Variants in PAX5 observed in about 807,000 individuals in gnomAD.
PAX5 encodes the protein paired box 5, also known as paired box protein Pax-5.
PAX5 carries 9 observed loss-of-function variants against 43.7 expected under a neutral mutation model. That is an observed-to-expected ratio of 0.21 (90% CI 0.12 to 0.36). The LOEUF is 0.36. Among genes scored for constraint, PAX5 ranks in the 10% least tolerant of loss-of-function variants. The pLI, the probability that PAX5 is intolerant of heterozygous loss-of-function variation, is 1.00. For missense variants in PAX5, 383 were observed against 532.7 expected, an observed-to-expected ratio of 0.72 and a Z score of 2.77; for synonymous variants, 228 against 214.3, an observed-to-expected ratio of 1.06 and a Z score of -0.56.
At chr9:36,906,706 C>T (rs930888943) in intron 7 of PAX5, among the ~76,000 whole-genome samples, 1 of 152,216 alleles carries the variant, frequency 6.6e-6, no homozygotes, top group African/African-American at 2.4e-5. Context: ...AGCTCTCCCA[C>T]CAGCCCCTCT....
rs1467459969 is a variant in PAX5, at chr9:36,833,792, C to T, written c.*6768G>A. 8.6e-6 allele frequency: 2 copies of T among 231,682 alleles called. No homozygotes were observed. Among genetic ancestry groups the T allele is most frequent in the Non-Finnish European group, 8.5e-6 (1 of 117,704 alleles). The allele number at this position is 231,682 out of a possible 1,614,324, so 14.4% of individuals were successfully genotyped here. A position where few individuals can be genotyped will look rare whatever the true frequency, so the allele number is the denominator to read the frequency against. On this transcript the variant is annotated 3_prime_UTR_variant, in exon 10 of 10. Coordinates refer to ENST00000358127, the MANE Select transcript of PAX5 (RefSeq NM_016734.3). ...TAAGAAGCATTTTTTTTTTTCAATC[C>T]GTTGGAGACAGATCATCTCCCACTT... is the stretch of plus-strand genomic sequence containing the variant.
At chr9:37,005,800 G>A (rs1338249672) in intron 4 of PAX5, among the ~76,000 whole-genome samples, 1 of 152,176 alleles carries the variant, frequency 6.6e-6, no homozygotes, top group Non-Finnish European at 1.5e-5. Context: ...ATCCCAAGTG[G>A]AGAAATAATA....
intron 1 of PAX5, chr9:37,026,466 C>A (rs1840386054): frequency 1.6e-6 from 2 of 1,261,940 alleles, no homozygotes; most frequent in African/African-American, 1.5e-5. Context: ...GTACCTGACC[C>A]ACGGTCCGGC....
intron 7 of PAX5, among the ~76,000 whole-genome samples, chr9:36,889,946 G>GC (rs1015819304): frequency 2.1e-5 from 3 of 144,326 alleles, no homozygotes; most frequent in African/African-American, 7.6e-5. Flanking sequence ...ACTAACGGGG[G>GC]GGGGGGGAAT....
intron 6 of PAX5, among the ~76,000 whole-genome samples, chr9:36,947,164 C>T (rs1488254754): frequency 1.3e-5 from 2 of 152,156 alleles, no homozygotes; most frequent in Admixed American, 6.5e-5. Flanking sequence ...ATGGAAGCAA[C>T]GTTCCCCTTC....
intron 7 of PAX5, among the ~76,000 whole-genome samples, chr9:36,892,731 T>C (rs1219471450): frequency 6.6e-6 from 1 of 152,222 alleles, no homozygotes; most frequent in Non-Finnish European, 1.5e-5. Context: ...TCCTTATTGC[T>C]GGGATAAATA....
At chr9:36,997,572 A>G (rs1367886539) in intron 5 of PAX5, among the ~76,000 whole-genome samples, 1 of 151,878 alleles carries the variant, frequency 6.6e-6, no homozygotes, top group East Asian at 1.9e-4. Context: ...CCCTGCCACC[A>G]CCTCCTCTGG....
At chr9:37,033,657 A>G (rs2132589626) in intron 1 of PAX5, among the ~76,000 whole-genome samples, 1 of 152,222 alleles carries the variant, frequency 6.6e-6, no homozygotes, top group African/African-American at 2.4e-5. Context: ...ACAAACTCAT[A>G]TATTTTTACA....
At chr9:37,033,771 G>A (rs1038697326) in intron 1 of PAX5, among the ~76,000 whole-genome samples, 1 of 152,208 alleles carries the variant, frequency 6.6e-6, no homozygotes, top group Non-Finnish European at 1.5e-5. Context: ...TGAACATTCA[G>A]AAACAGAGAA....
intron 5 of PAX5, among the ~76,000 whole-genome samples, chr9:36,968,467 T>C (rs10121274): frequency 0.75 from 114,810 of 152,158 alleles, 43,559 homozygotes; most frequent in South Asian, 0.87. Context: ...CTCGTAGAAG[T>C]CAACAGGCTC....
intron 6 of PAX5, among the ~76,000 whole-genome samples, chr9:36,959,922 A>G (rs1198130850): frequency 1.3e-5 from 2 of 152,216 alleles, no homozygotes; most frequent in East Asian, 3.9e-4. Flanking sequence ...TGCCTGCACA[A>G]CGGGGATGAT....
intron 7 of PAX5, among the ~76,000 whole-genome samples, chr9:36,907,459 G>C (rs1054667508): frequency 1.3e-5 from 2 of 152,114 alleles, no homozygotes; most frequent in Non-Finnish European, 2.9e-5. Flanking sequence ...ACAGCCCTGG[G>C]CCTCCTGTGG....
At chr9:36,973,524 ATAAAG>A (rs2132236302) in intron 5 of PAX5, among the ~76,000 whole-genome samples, 1 of 152,324 alleles carries the variant, frequency 6.6e-6, no homozygotes, top group East Asian at 1.9e-4. Flanking sequence ...AAAACAACCT[ATAAAG>A]TAGACACCCA....
At chr9:37,030,295 C>T (rs1426316890) in intron 1 of PAX5, among the ~76,000 whole-genome samples, 5 of 152,238 alleles carry the variant, frequency 3.3e-5, no homozygotes, top group Non-Finnish European at 7.3e-5. Flanking sequence ...CCCCAAAAGG[C>T]GCGACCGGAC....
intron 5 of PAX5, among the ~76,000 whole-genome samples, chr9:36,966,992 A>AG (rs1834501585): frequency 6.6e-6 from 1 of 152,176 alleles, no homozygotes; most frequent in Non-Finnish European, 1.5e-5. Context: ...ATGACCCTCA[A>AG]GGTAGGTTAT....
chr9:36,875,243 C>T (rs576491253), intron 8 of PAX5, among the ~76,000 whole-genome samples: 15 of 152,252 alleles, frequency 9.9e-5, no homozygotes, highest in Non-Finnish European at 1.6e-4. Flanking sequence ...GCGAAGCTCT[C>T]CTTGGCAGCT....
At chr9:36,980,483 C>G (rs1333561593) in intron 5 of PAX5, among the ~76,000 whole-genome samples, 3 of 152,132 alleles carry the variant, frequency 2.0e-5, no homozygotes, top group African/African-American at 7.2e-5. Context: ...ATTGCACTGC[C>G]TCCCAGACAA....
chr9:36,914,417 C>T (rs1261489350), intron 7 of PAX5, among the ~76,000 whole-genome samples: 1 of 152,174 alleles, frequency 6.6e-6, no homozygotes, highest in Non-Finnish European at 1.5e-5. Flanking sequence ...CTAGTCCATA[C>T]CTGTGTGTAA....
chr9:36,947,303 T>C (rs1039404800), intron 6 of PAX5, among the ~76,000 whole-genome samples: 3 of 152,240 alleles, frequency 2.0e-5, no homozygotes, highest in Non-Finnish European at 4.4e-5. Context: ...ATAAATGTCC[T>C]GTCAGGCTAA....
Sources: gnomAD v4.1 joint callset for allele counts (sites outside exome capture counted in the v4.1 genomes callset) on GRCh38, gnomAD v4.1.1 for gene constraint, MANE v1.5 for transcripts, NCBI Gene and HGNC (gene_info 2026-07-23, HGNC 2026-07-21) for gene names.